SCHIP1: variants seen among roughly 807,000 people sequenced by gnomAD.
SCHIP1 encodes the protein schwannomin interacting protein 1.
In SCHIP1, 8 loss-of-function variants were observed where a neutral mutation model predicts 29.7. The observed-to-expected ratio is 0.27, with a 90% CI of 0.16 to 0.49. The LOEUF (loss-of-function observed/expected upper bound fraction) is 0.49. Ranked by LOEUF, SCHIP1 falls within the 20% of genes least tolerant of loss-of-function variation. The pLI, the probability that SCHIP1 is intolerant of heterozygous loss-of-function variation, is 0.99. For missense variants in SCHIP1, 193 were observed against 294.6 expected (o/e 0.66, Z 2.52); for synonymous variants, 76 against 94.9 (o/e 0.80, Z 1.16).
the SCHIP1 span, among the ~76,000 whole-genome samples, chr3:159,780,238 C>T: frequency 6.6e-6 from 1 of 152,202 alleles, no homozygotes; most frequent in Admixed American, 6.5e-5. Flanking sequence ...GCAGTGTTGA[C>T]TGCTGCCAAA....
chr3:159,887,499 A>G (rs1409562426), intron 3 of SCHIP1: 2 of 580,518 alleles, frequency 3.4e-6, no homozygotes, highest in East Asian at 5.7e-5. Flanking sequence ...ATTATTAACT[A>G]TACTGCTCTC....
At chr3:159,496,554 G>A in the SCHIP1 span, among the ~76,000 whole-genome samples, 14 of 152,176 alleles carry the variant, frequency 9.2e-5, no homozygotes, top group African/African-American at 3.1e-4. Context: ...ACCACAATGA[G>A]ATACCATCTC....
the SCHIP1 span, among the ~76,000 whole-genome samples, chr3:159,798,616 G>C: frequency 1.4e-4 from 21 of 151,994 alleles, no homozygotes; most frequent in Non-Finnish European, 2.8e-4. Context: ...AAATTAGTTG[G>C]GCGTGGTGGT....
chr3:159,565,903 C>A, the SCHIP1 span, among the ~76,000 whole-genome samples: 1 of 152,242 alleles, frequency 6.6e-6, no homozygotes, highest in South Asian at 2.1e-4. Flanking sequence ...TACTTAAATT[C>A]TCACTACTAA....
chr3:159,506,959 G>C, the SCHIP1 span, among the ~76,000 whole-genome samples: 6 of 152,084 alleles, frequency 3.9e-5, no homozygotes, highest in Admixed American at 6.6e-5. Flanking sequence ...GCTCTTCTTT[G>C]GTTCCATATG....
the SCHIP1 span, among the ~76,000 whole-genome samples, chr3:159,395,812 G>A: frequency 6.6e-6 from 1 of 151,836 alleles, no homozygotes; most frequent in African/African-American, 2.4e-5. Flanking sequence ...TTGAGGTGGA[G>A]AGTTCTGTAG....
At chr3:159,479,342 C>G in the SCHIP1 span, among the ~76,000 whole-genome samples, 1 of 151,872 alleles carries the variant, frequency 6.6e-6, no homozygotes. Context: ...AAAAAAAAAT[C>G]TAAAAGCCAG....
At chr3:159,757,570 C>T in the SCHIP1 span, among the ~76,000 whole-genome samples, 1 of 152,172 alleles carries the variant, frequency 6.6e-6, no homozygotes, top group Non-Finnish European at 1.5e-5. Context: ...TCCCTGTCAC[C>T]GGTGGTGACC....
chr3:159,377,733 G>T, the SCHIP1 span, among the ~76,000 whole-genome samples: 6 of 152,230 alleles, frequency 3.9e-5, no homozygotes, highest in East Asian at 5.8e-4. Flanking sequence ...TCATCCTGTG[G>T]TATTTAAACA....
At chr3:159,664,656 A>G in the SCHIP1 span, among the ~76,000 whole-genome samples, 2 of 152,348 alleles carry the variant, frequency 1.3e-5, no homozygotes, top group East Asian at 3.9e-4. Flanking sequence ...TGTTGCAGGC[A>G]AAAGGAAGGT....
the SCHIP1 span, among the ~76,000 whole-genome samples, chr3:159,300,139 T>G: frequency 1.1e-4 from 15 of 133,894 alleles, no homozygotes; most frequent in African/African-American, 4.4e-4. Flanking sequence ...TTTTTTTTTT[T>G]GAGATAGGGT....
At chr3:159,664,298 T>C in the SCHIP1 span, among the ~76,000 whole-genome samples, 1 of 152,222 alleles carries the variant, frequency 6.6e-6, no homozygotes, top group African/African-American at 2.4e-5. Flanking sequence ...TACACTGATA[T>C]ATACTCACTC....
chr3:159,477,323 A>C, the SCHIP1 span, among the ~76,000 whole-genome samples: 4 of 152,228 alleles, frequency 2.6e-5, no homozygotes, highest in African/African-American at 7.2e-5. Context: ...AGATTGCTGA[A>C]TCATATGATA....
At chr3:159,403,651 A>T in the SCHIP1 span, among the ~76,000 whole-genome samples, 4 of 152,346 alleles carry the variant, frequency 2.6e-5, no homozygotes, top group African/African-American at 9.6e-5. Context: ...TCTGAGCTCC[A>T]GCAAACCTCA....
At chr3:159,791,489 T>C in the SCHIP1 span, among the ~76,000 whole-genome samples, 2 of 152,340 alleles carry the variant, frequency 1.3e-5, no homozygotes, top group African/African-American at 4.8e-5. Context: ...AGAGTCCTGC[T>C]TGGGGCATCT....
the SCHIP1 span, among the ~76,000 whole-genome samples, chr3:159,533,625 T>TGCCC: frequency 6.6e-6 from 1 of 151,972 alleles, no homozygotes; most frequent in East Asian, 1.9e-4. Flanking sequence ...CTGCTCTGTC[T>TGCCC]GCCCCCCCAC....
At chr3:159,614,785 A>G in the SCHIP1 span, among the ~76,000 whole-genome samples, 1 of 152,354 alleles carries the variant, frequency 6.6e-6, no homozygotes, top group African/African-American at 2.4e-5. Flanking sequence ...CTTGATCCCT[A>G]AAAATAAAAT....
the SCHIP1 span, among the ~76,000 whole-genome samples, chr3:159,672,062 C>T: frequency 6.6e-6 from 1 of 152,190 alleles, no homozygotes; most frequent in African/African-American, 2.4e-5. Flanking sequence ...CCTCAAATGT[C>T]ACTAAAATCT....
the SCHIP1 span, among the ~76,000 whole-genome samples, chr3:159,449,385 C>T: frequency 1.3e-5 from 2 of 151,976 alleles, no homozygotes; most frequent in African/African-American, 4.8e-5. Context: ...ATTTTCTTGC[C>T]CTCCTCCTTT....
Sources: allele counts gnomAD v4.1 joint callset (sites outside exome capture counted in the v4.1 genomes callset), GRCh38; gene constraint gnomAD v4.1.1; transcripts MANE v1.5; gene names NCBI Gene and HGNC (gene_info 2026-07-23, HGNC 2026-07-21).